Variants in GALNT9 observed in about 807,000 individuals in gnomAD.
The protein encoded by GALNT9 is GalNAc transferase 9.
A neutral mutation model predicts 63.1 loss-of-function variants in GALNT9; 47 were observed. The ratio of observed to expected loss-of-function variants is 0.75; its 90% confidence interval spans 0.59 to 0.95. GALNT9 has a LOEUF of 0.95. Among genes scored for constraint, GALNT9 ranks in the 40% least tolerant of loss-of-function variants. GALNT9 has a pLI of 0.00. For synonymous variants in GALNT9, 396 were observed against 365.7 expected, an observed-to-expected ratio of 1.08 and a Z score of -0.94; for missense variants, 829 against 874.8, an observed-to-expected ratio of 0.95 and a Z score of 0.66.
chr12:132,324,350 C>T (rs945190331), intron 1 of GALNT9, among the ~76,000 whole-genome samples: 9 of 152,220 alleles, frequency 5.9e-5, no homozygotes, highest in Non-Finnish European at 1.2e-4. Flanking sequence ...TCCGCACGAC[C>T]CCGCGCGCTC....
At chr12:132,217,922 C>CCCAT (rs1325485078) in intron 6 of GALNT9, among the ~76,000 whole-genome samples, 1 of 151,052 alleles carries the variant, frequency 6.6e-6, no homozygotes, top group Non-Finnish European at 1.5e-5. Flanking sequence ...CACCCACCCA[C>CCCAT]CCATCCATTC....
At chr12:132,294,449 G>A (rs1290716788) in intron 1 of GALNT9, among the ~76,000 whole-genome samples, 5 of 152,242 alleles carry the variant, frequency 3.3e-5, no homozygotes, top group Non-Finnish European at 5.9e-5. Context: ...TGATCCACAG[G>A]TGCACGTCAG....
Position 132,234,658 on chromosome 12 carries a change from A to G in GALNT9, c.1077+13252T>C, listed in dbSNP as rs1273378368. Among the ~76,000 whole-genome samples the G allele has an allele frequency of 1.3e-3, 23 of 17,646 alleles. 1 individual carries two copies. The highest frequency in any genetic ancestry group is 4.8e-3 in the East Asian group (2 of 414). The allele number at this position is 17,646 out of a possible 152,430, so 11.6% of individuals were successfully genotyped here. On this transcript the variant is annotated intron_variant, in intron 6 of 10. Transcript: ENST00000328957. ...ACAGAGGAGACAGCGTGGAGTCCCTAGTGCCACACACTCGATGGCGTGAGA... is the reference window on the plus strand; with the variant it reads ...ACAGAGGAGACAGCGTGGAGTCCCTGGTGCCACACACTCGATGGCGTGAGA...
At chr12:132,220,931 T>C (rs189416997) in intron 6 of GALNT9, among the ~76,000 whole-genome samples, 151,426 of 151,552 alleles carry the variant, frequency 1, 75,650 homozygotes, top group Middle Eastern at 1. Flanking sequence ...GTGGCTCACA[T>C]CTGTAATCCC....
chr12:132,206,662 G>A (rs915836235), intron 6 of GALNT9, among the ~76,000 whole-genome samples: 7 of 127,890 alleles, frequency 5.5e-5, no homozygotes, highest in African/African-American at 1.7e-4. Flanking sequence ...AAAAAAAAAA[G>A]GACCAAAACC....
chr12:132,311,336 T>C (rs1295553775), intron 1 of GALNT9, among the ~76,000 whole-genome samples: 1 of 152,180 alleles, frequency 6.6e-6, no homozygotes, highest in African/African-American at 2.4e-5. Flanking sequence ...GCCTTCAGGA[T>C]GTGCAGCCTC....
chr12:132,304,949 C>G (rs1379084323), intron 1 of GALNT9, among the ~76,000 whole-genome samples: 2 of 34,240 alleles, frequency 5.8e-5, no homozygotes, highest in African/African-American at 2.8e-4. Context: ...ACGCCCTCAC[C>G]CAGACACGCC....
rs1876469233 is a variant in GALNT9, at chr12:132,204,223, A to G, written c.1078-533T>C. On this transcript the variant is annotated intron_variant, in intron 6 of 10. Coordinates refer to ENST00000328957, the MANE Select transcript of GALNT9 (RefSeq NM_001122636.2). ...CTTTCTGAACCCCCACGCGCAGCAG[A>G]AACGTGTTTGTCACTGCGTATCCTT... 3.3e-5 allele frequency among the ~76,000 whole-genome samples: 5 copies of G among 152,344 alleles called. 1 individual carries two copies. Among genetic ancestry groups the G allele is most frequent in the African/African-American group, 9.6e-5 (4 of 41,570 alleles).
At chr12:132,211,599 A>T (rs1353572095) in intron 6 of GALNT9, among the ~76,000 whole-genome samples, 1 of 152,024 alleles carries the variant, frequency 6.6e-6, no homozygotes, top group African/African-American at 2.4e-5. Context: ...TCTCTCGTCC[A>T]CCTGGCCATT....
chr12:132,312,719 C>A (rs886193132), intron 1 of GALNT9, among the ~76,000 whole-genome samples: 1 of 152,206 alleles, frequency 6.6e-6, no homozygotes, highest in South Asian at 2.1e-4. Flanking sequence ...CTTGCTGAAG[C>A]CCCCAGTGGA....
At chr12:132,314,525 C>T (rs1868414120) in intron 1 of GALNT9, among the ~76,000 whole-genome samples, 1 of 152,158 alleles carries the variant, frequency 6.6e-6, no homozygotes, top group Admixed American at 6.5e-5. Context: ...CGAGGTCACC[C>T]CATTGGGATT....
Position 132,315,934 on chromosome 12 carries a change from C to T in GALNT9, c.238+13032G>A, listed in dbSNP as rs1445855539. Among the ~76,000 whole-genome samples the T allele has an allele frequency of 1.3e-5, 2 of 152,206 alleles. No individual in the cohort carries two copies. Among genetic ancestry groups the T allele is most frequent in the Non-Finnish European group, 2.9e-5 (2 of 68,040 alleles). On this transcript the variant is annotated intron_variant, in intron 1 of 10. Transcript: ENST00000328957. The surrounding 1 kb of genome is among the most constrained non-coding windows in gnomAD (Gnocchi z 6.1). ...ACTTGGAGCATGAGAAAGCGGACAG[C>T]CTCTGGCCCTGAGAACAGTCTCCAG... is the stretch of plus-strand genomic sequence containing the variant.
chr12:132,324,926 C>A (rs1868972387), intron 1 of GALNT9, among the ~76,000 whole-genome samples: 1 of 152,278 alleles, frequency 6.6e-6, no homozygotes, highest in Non-Finnish European at 1.5e-5. Context: ...TCCAGCCCCA[C>A]AGGAACGTCC....
intron 9 of GALNT9, 49 bp downstream of exon 9, chr12:132,199,125 C>T (rs1367445138): frequency 2.3e-6 from 3 of 1,293,348 alleles, no homozygotes; most frequent in African/African-American, 2.9e-5. Flanking sequence ...TCCGGGTGGC[C>T]TGGGGTCGTC....
Position 132,197,050 on chromosome 12 carries a change from A to G in GALNT9, c.*57T>C, listed in dbSNP as rs1875553557. On this transcript the variant is annotated 3_prime_UTR_variant, in exon 11 of 11. Transcript: ENST00000328957. The stretch of plus-strand genomic sequence containing the variant: ...CCGGGCACACCCCGGTCACTCAGCC[A>G]CACTGGCTCGGCCCAGCGCCTTCCC... The G allele has an allele frequency of 1.3e-6, 2 of 1,597,632 alleles. No individual in the cohort carries two copies. The highest frequency in any genetic ancestry group is 1.7e-6 in the Non-Finnish European group (2 of 1,169,760).
intron 6 of GALNT9, among the ~76,000 whole-genome samples, chr12:132,207,333 G>A (rs916821253): frequency 5.9e-5 from 9 of 152,248 alleles, no homozygotes; most frequent in Admixed American, 5.9e-4. Flanking sequence ...CACAGTAGGT[G>A]CTTGATAAAT....
At chr12:132,200,594 A>ATGTTT in intron 8 of GALNT9, 1 of 153,288 alleles carries the variant, frequency 6.5e-6, no homozygotes, top group Admixed American at 6.5e-5. Context: ...AGTGAAACAT[A>ATGTTT]CATCTGTGTA....
At chr12:132,324,123 G>A (rs1868924346) in intron 1 of GALNT9, among the ~76,000 whole-genome samples, 1 of 152,266 alleles carries the variant, frequency 6.6e-6, no homozygotes, top group South Asian at 2.1e-4. Flanking sequence ...CTAGCAAGGA[G>A]AATTTCTCAA....
chr12:132,240,471 T>C (rs2136898271), intron 6 of GALNT9: 2 of 379,714 alleles, frequency 5.3e-6, no homozygotes, highest in East Asian at 7.3e-5. Flanking sequence ...GGAGCAAGAA[T>C]AGCCGTGCCC....
Sources: allele counts gnomAD v4.1 joint callset (sites outside exome capture counted in the v4.1 genomes callset), GRCh38; gene constraint gnomAD v4.1.1; non-coding constraint Gnocchi (gnomAD v3.1); transcripts MANE v1.5; gene names NCBI Gene and HGNC (gene_info 2026-07-23, HGNC 2026-07-21).